Variants in ROBO2 observed in about 807,000 individuals in gnomAD.
The protein encoded by ROBO2 is roundabout homolog 2.
In ROBO2, 53 loss-of-function variants were observed where a neutral mutation model predicts 160.8. The observed-to-expected ratio is 0.33, with a 90% CI of 0.26 to 0.41. The LOEUF (loss-of-function observed/expected upper bound fraction) is 0.41, where lower values mean the gene tolerates loss of function less well. Ranked by LOEUF, ROBO2 falls within the 10% of genes least tolerant of loss-of-function variation. The probability of loss-of-function intolerance (pLI) is 1.00; values close to 1 mark genes in which losing one functional copy is unlikely to be tolerated. For synonymous variants in ROBO2, 664 were observed against 611.7 expected (o/e 1.09, Z -1.26); for missense variants, 1,577 against 1,722.4 (o/e 0.92, Z 1.49).
intron 2 of ROBO2, among the ~76,000 whole-genome samples, chr3:77,470,424 A>G (rs1291849269): frequency 7.2e-5 from 11 of 152,310 alleles, no homozygotes; most frequent in Non-Finnish European, 1.5e-5. Context: ...ATGATATTGC[A>G]AATCAGTGCA....
At chr3:76,457,060 T>C (rs979029312) in intron 2 of ROBO2, among the ~76,000 whole-genome samples, 1 of 152,194 alleles carries the variant, frequency 6.6e-6, no homozygotes, top group Admixed American at 6.5e-5. Flanking sequence ...CATATCATTC[T>C]GTCCCTGGCC....
intron 1 of ROBO2, among the ~76,000 whole-genome samples, chr3:77,097,068 C>T (rs2071178359): frequency 6.6e-6 from 1 of 152,188 alleles, no homozygotes; most frequent in African/African-American, 2.4e-5. Flanking sequence ...CCTTAAAAAT[C>T]TGTGAGCCGT....
intron 5 of ROBO2, among the ~76,000 whole-genome samples, chr3:77,519,020 A>G (rs937709543): frequency 6.6e-6 from 1 of 151,540 alleles, no homozygotes; most frequent in African/African-American, 2.4e-5. Flanking sequence ...GTAGAAAAAA[A>G]ATAGATTTGC....
At chr3:77,198,400 C>T (rs2082504069) in intron 2 of ROBO2, among the ~76,000 whole-genome samples, 1 of 151,992 alleles carries the variant, frequency 6.6e-6, no homozygotes, top group Non-Finnish European at 1.5e-5. Flanking sequence ...CTTAAACTTC[C>T]TGAGATGAAA....
intron 2 of ROBO2, among the ~76,000 whole-genome samples, chr3:76,663,005 G>A (rs2091890144): frequency 6.6e-6 from 1 of 152,190 alleles, no homozygotes; most frequent in Non-Finnish European, 1.5e-5. Context: ...AACACCCATG[G>A]AGGTCTTAGA....
intron 2 of ROBO2, among the ~76,000 whole-genome samples, chr3:77,001,259 C>G (rs1221459538): frequency 6.6e-6 from 1 of 152,160 alleles, no homozygotes; most frequent in Non-Finnish European, 1.5e-5. Context: ...GGAATGTCAG[C>G]TAATGCCAGT....
At chr3:77,451,768 C>CTTT (rs57642396) in intron 2 of ROBO2, among the ~76,000 whole-genome samples, 6 of 149,780 alleles carry the variant, frequency 4.0e-5, no homozygotes, top group African/African-American at 1.2e-4. Context: ...AAAGCAAATC[C>CTTT]TTTTTTTTTA....
intron 2 of ROBO2, among the ~76,000 whole-genome samples, chr3:76,185,740 A>G (rs1224822742): frequency 4.6e-5 from 7 of 152,144 alleles, no homozygotes; most frequent in Non-Finnish European, 1.5e-5. Flanking sequence ...AGTCGGAAGG[A>G]GAAAATAATT....
intron 2 of ROBO2, among the ~76,000 whole-genome samples, chr3:76,162,078 T>C (rs1037124190): frequency 4.6e-5 from 7 of 152,112 alleles, no homozygotes; most frequent in African/African-American, 1.7e-4. Flanking sequence ...AAAAGTAGGG[T>C]TTTAACTACT....
At chr3:76,220,399 T>C (rs934801686) in intron 2 of ROBO2, among the ~76,000 whole-genome samples, 2 of 151,866 alleles carry the variant, frequency 1.3e-5, no homozygotes, top group Non-Finnish European at 2.9e-5. Context: ...TGTGGTCTTT[T>C]AGGGGGTGAC....
chr3:76,996,905 A>G (rs2061045539), intron 2 of ROBO2, among the ~76,000 whole-genome samples: 1 of 152,170 alleles, frequency 6.6e-6, no homozygotes, highest in African/African-American at 2.4e-5. Flanking sequence ...TAACTGATAC[A>G]CAATCTAATA....
rs74439143 is a variant in ROBO2, at chr3:77,616,301, C to G, written c.3294-1212C>G. ...GTATATGGATGTTGAGGAAATAGTGCGAGATTAAGCTGGAAAGATGAGTTT... is the reference window on the plus strand; with the variant it reads ...GTATATGGATGTTGAGGAAATAGTGGGAGATTAAGCTGGAAAGATGAGTTT... On this transcript the variant is annotated intron_variant, in intron 21 of 25. Transcript: ENST00000461745. 2.2e-3 allele frequency among the ~76,000 whole-genome samples: 340 copies of G among 151,582 alleles called. 8 individuals carry two copies. The East Asian group carries it at 0.06, about 27-fold the overall frequency.
chr3:76,883,058 A>G (rs1401389429), intron 2 of ROBO2, among the ~76,000 whole-genome samples: 1 of 152,160 alleles, frequency 6.6e-6, no homozygotes, highest in East Asian at 1.9e-4. Flanking sequence ...CCAAACAAAA[A>G]CACCATCATC....
intron 2 of ROBO2, among the ~76,000 whole-genome samples, chr3:77,013,085 G>C (rs779179009): frequency 6.6e-6 from 1 of 152,110 alleles, no homozygotes; most frequent in African/African-American, 2.4e-5. Context: ...ATTCATTTAA[G>C]AGAAAGAAAT....
chr3:76,880,818 T>G (rs2073261224), intron 2 of ROBO2, among the ~76,000 whole-genome samples: 1 of 152,202 alleles, frequency 6.6e-6, no homozygotes, highest in African/African-American at 2.4e-5. Context: ...ATCAAACTAA[T>G]AGGCATTTTA....
intron 2 of ROBO2, among the ~76,000 whole-genome samples, chr3:77,341,775 G>C (rs990373906): frequency 3.0e-4 from 45 of 151,924 alleles, no homozygotes; most frequent in African/African-American, 9.4e-4. Flanking sequence ...TTGTGGAATA[G>C]ATTTTGCAGA....
intron 2 of ROBO2, among the ~76,000 whole-genome samples, chr3:75,985,323 T>G (rs958194637): frequency 2.0e-5 from 3 of 151,562 alleles, no homozygotes; most frequent in Non-Finnish European, 4.4e-5. Flanking sequence ...TCTTAATTAT[T>G]TTAAAGTAGA....
chr3:76,225,900 T>C (rs974286647), intron 2 of ROBO2, among the ~76,000 whole-genome samples: 1 of 152,166 alleles, frequency 6.6e-6, no homozygotes, highest in Non-Finnish European at 1.5e-5. Context: ...AGATTTTTTT[T>C]CCAAGTTCCA....
intron 2 of ROBO2, among the ~76,000 whole-genome samples, chr3:77,177,478 A>T (rs895614454): frequency 4.6e-5 from 7 of 152,018 alleles, no homozygotes; most frequent in Admixed American, 2.6e-4. Context: ...AATCTTGTGC[A>T]TCCTCCTTCA....
Sources: allele counts gnomAD v4.1 joint callset (sites outside exome capture counted in the v4.1 genomes callset), GRCh38; gene constraint gnomAD v4.1.1; transcripts MANE v1.5; gene names NCBI Gene and HGNC (gene_info 2026-07-23, HGNC 2026-07-21).